Variants in KBTBD11 observed in about 807,000 individuals in gnomAD.
The protein encoded by KBTBD11 is kelch repeat and BTB domain containing 11.
For missense variants in KBTBD11, 1,390 were observed against 1,001.8 expected, an observed-to-expected ratio of 1.39 and a Z score of -5.23; for synonymous variants, 747 against 499.0, an observed-to-expected ratio of 1.50 and a Z score of -6.63.
rs375486959 is a variant in KBTBD11, at chr8:1,992,635, C to T, written c.-908-7650C>T. On this transcript the variant is annotated intron_variant, in intron 1 of 1. Transcript: ENST00000320248. ...AAAAAAATTCATCCCAATCCCCATCCTTATTTTCATACTGTTTTTTCTTTC... is the reference window on the plus strand; with the variant it reads ...AAAAAAATTCATCCCAATCCCCATCTTTATTTTCATACTGTTTTTTCTTTC... 3.3e-5 allele frequency among the ~76,000 whole-genome samples: 5 copies of T among 151,992 alleles called. No homozygotes were observed. The South Asian group carries it at 8.3e-4, about 25-fold the overall frequency.
At chr8:1,984,411 C>T (rs1189786436) in intron 1 of KBTBD11, among the ~76,000 whole-genome samples, 1 of 150,766 alleles carries the variant, frequency 6.6e-6, no homozygotes, top group Non-Finnish European at 1.5e-5. Context: ...GCCTCAGCCT[C>T]CCAAGTAGCT....
chr8:1,974,674 G>A, intron 1 of KBTBD11: 4 of 985,400 alleles, frequency 4.1e-6, no homozygotes, highest in Non-Finnish European at 4.8e-6. Context: ...CCATGTGCTG[G>A]GGAGACCCCC....
intron 1 of KBTBD11, among the ~76,000 whole-genome samples, chr8:1,981,484 G>A (rs1387688755): frequency 6.6e-6 from 1 of 152,210 alleles, no homozygotes; most frequent in African/African-American, 2.4e-5. Flanking sequence ...AAAAGATACT[G>A]TGATGGTTAA....
At position 2,001,852 on chromosome 8, in the gene KBTBD11, G is replaced by A. The variant is rs1259380861; in HGVS notation, c.660G>A (p.Ala220=). The A allele has an allele frequency of 2.4e-5, 30 of 1,257,552 alleles. No homozygotes were observed. The highest frequency in any genetic ancestry group is 4.0e-5 in the Admixed American group (1 of 24,930). The allele number at this position is 1,257,552 out of a possible 1,614,324, so 77.9% of individuals were successfully genotyped here. Residue 220 remains alanine, a synonymous_variant, in exon 2 of 2, where the codon GCG becomes GCA. Coordinates refer to ENST00000320248, the MANE Select transcript of KBTBD11 (RefSeq NM_014867.3). ...GARRLQLPGA[A]QRATDAVGPQ... is the part of the protein sequence containing the mutation. ...GCCGCCTGCAGCTGCCCGGCGCCGC[G>A]CAGCGCGCCACCGACGCCGTGGGGC...
At chr8:1,974,506 C>A (rs930942327) in intron 1 of KBTBD11, 1 of 983,764 alleles carries the variant, frequency 1.0e-6, no homozygotes, top group Non-Finnish European at 1.2e-6. Flanking sequence ...GACTCGGGGC[C>A]CTGGGGAGGG....
chr8:1,993,457 T>C (rs1353964745), intron 1 of KBTBD11, among the ~76,000 whole-genome samples: 4 of 130,122 alleles, frequency 3.1e-5, no homozygotes, highest in Middle Eastern at 4.0e-3. Flanking sequence ...ATCCATCCAA[T>C]CACCCATCTG....
intron 1 of KBTBD11, among the ~76,000 whole-genome samples, chr8:1,976,893 C>A (rs909653433): frequency 5.9e-5 from 9 of 152,020 alleles, no homozygotes; most frequent in Non-Finnish European, 1.3e-4. Context: ...ACGGAGAGGT[C>A]AGTGAGGGGC....
chr8:2,005,939 C>G lies in KBTBD11; in HGVS notation c.*2875C>G, dbSNP rs919959060. ...ATGCAGAGGAATGAGCTTGAGCCTT[C>G]CTCCTTTTCCTTCCGGTTTTATTCT... On this transcript the variant is annotated 3_prime_UTR_variant, in exon 2 of 2. Coordinates refer to ENST00000320248, the MANE Select transcript of KBTBD11 (RefSeq NM_014867.3). 6.0e-6 allele frequency: 1 copy of G among 167,070 alleles called. No individual in the cohort carries two copies. The highest frequency in any genetic ancestry group is 2.4e-5 in the African/African-American group (1 of 41,438). 10.3% of individuals were successfully genotyped at this position (167,070 alleles called of 1,614,324 possible).
chr8:1,991,818 C>T (rs1816930480), intron 1 of KBTBD11, among the ~76,000 whole-genome samples: 1 of 152,010 alleles, frequency 6.6e-6, no homozygotes. Context: ...ATTGCCTGGG[C>T]TCTTGGTGGG....
chr8:2,001,650 C>T lies in KBTBD11; in HGVS notation c.458C>T (p.Ala153Val). 3.4e-6 allele frequency: 5 copies of T among 1,477,846 alleles called. No homozygotes were observed. Among genetic ancestry groups the T allele is most frequent in the South Asian group, 1.3e-5 (1 of 78,778 alleles). The allele number at this position is 1,477,846 out of a possible 1,614,324, so 91.5% of individuals were successfully genotyped here. The change falls in exon 2 of 2, where the codon GCG (alanine) becomes GTG (valine). Residue 153 changes from alanine (A) to valine (V), a missense_variant. Coordinates refer to ENST00000320248, the MANE Select transcript of KBTBD11 (RefSeq NM_014867.3). ...GAGGTGTCGGGGCGCCGGCTGCGCG[C>T]GCACAAGGCGGTGCTGGCGGCGCGC... ...VLEVSGRRLRAHKAVLAARSD... is the reference protein window; with the variant it reads ...VLEVSGRRLRVHKAVLAARSD...
intron 1 of KBTBD11, among the ~76,000 whole-genome samples, chr8:1,981,684 C>A (rs1034468454): frequency 2.6e-5 from 4 of 152,148 alleles, no homozygotes; most frequent in Non-Finnish European, 5.9e-5. Context: ...AGGGCAAATT[C>A]TTTCTCTGCC....
Position 2,002,910 on chromosome 8 carries a change from TC to T in KBTBD11, c.1720del (p.Gln574SerfsTer120). The T allele has an allele frequency of 7.6e-7, 1 of 1,322,556 alleles. No homozygotes were observed. The highest frequency in any genetic ancestry group is 9.6e-7 in the Non-Finnish European group (1 of 1,040,060). The allele number at this position is 1,322,556 out of a possible 1,614,324, so 81.9% of individuals were successfully genotyped here. A position where few individuals can be genotyped will look rare whatever the true frequency, so the allele number is the denominator to read the frequency against. Reference sequence around the variant, plus strand: ...GTGAGCCGCGCGGGCACCTGGCGCTTCCAGCCTGCCCGGGAAGGCGAGGCCG... The same window carrying T: ...GTGAGCCGCGCGGGCACCTGGCGCTTCAGCCTGCCCGGGAAGGCGAGGCCG... ...YCVSRAGTWR[F>X]QPAREGEAGG... On this transcript the variant is annotated frameshift_variant, in exon 2 of 2. Coordinates refer to ENST00000320248, the MANE Select transcript of KBTBD11 (RefSeq NM_014867.3). LOFTEE classifies it low-confidence loss of function (END_TRUNC). The surrounding 1 kb of genome is among the most constrained non-coding windows in gnomAD (Gnocchi z 4.1).
chr8:2,001,253 G>A lies in KBTBD11; in HGVS notation c.61G>A (p.Glu21Lys), dbSNP rs1272860552. Reference protein sequence around the residue: ...YPGTEPGAAGESESEGAASPA... With the variant: ...YPGTEPGAAGKSESEGAASPA... ...AGGGACTGAGCCCGGGGCTGCCGGG[G>A]AGAGCGAGAGCGAGGGCGCCGCGTC... The change falls in exon 2 of 2, where the codon GAG (glutamate) becomes AAG (lysine). Residue 21 changes from glutamate (E) to lysine (K), a missense_variant. Physicochemically the swap from Glu to Lys is moderately conservative, Grantham distance 56. Transcript: ENST00000320248. The A allele has an allele frequency of 1.3e-6, 2 of 1,503,646 alleles. No individual in the cohort carries two copies. The highest frequency in any genetic ancestry group is 1.8e-6 in the Non-Finnish European group (2 of 1,132,046). The allele number at this position is 1,503,646 out of a possible 1,614,324, so 93.1% of individuals were successfully genotyped here.
intron 1 of KBTBD11, among the ~76,000 whole-genome samples, chr8:1,994,304 C>T (rs1467840351): frequency 6.6e-6 from 1 of 152,256 alleles, no homozygotes; most frequent in African/African-American, 2.4e-5. Flanking sequence ...TGCGTCAATG[C>T]TCAGAACTGC....
In KBTBD11 at chr8:1,993,363, ATCCGTCCG is replaced by A. The variant is rs1165431763; in HGVS notation, c.-908-6898_-908-6891del. On this transcript the variant is annotated intron_variant, in intron 1 of 1. Transcript: ENST00000320248. Reference sequence around the variant, plus strand: ...CATCTTTCTGTCCATCCATCGGTCCATCCGTCCGTCCGTCCGTCCGTCCGTCCGTCCAT... The same window carrying A: ...CATCTTTCTGTCCATCCATCGGTCCATCCGTCCGTCCGTCCGTCCGTCCAT... Among the ~76,000 whole-genome samples, 761 of 143,228 alleles carry A rather than the reference ATCCGTCCG, an allele frequency of 5.3e-3. 7 individuals are homozygous for A. Among genetic ancestry groups the A allele is most frequent in the African/African-American group, 0.018 (691 of 38,740 alleles). The allele number at this position is 143,228 out of a possible 152,430, so 94.0% of individuals were successfully genotyped here. A position where few individuals can be genotyped will look rare whatever the true frequency, so the allele number is the denominator to read the frequency against.
chr8:2,001,563 G>C lies in KBTBD11; in HGVS notation c.371G>C (p.Gly124Ala), dbSNP rs1817358999. The C allele has an allele frequency of 7.0e-7, 1 of 1,434,358 alleles. No homozygotes were observed. Among genetic ancestry groups the C allele is most frequent in the Non-Finnish European group, 9.1e-7 (1 of 1,097,050 alleles). 88.9% of individuals were successfully genotyped at this position (1,434,358 alleles called of 1,614,324 possible). Residue 124 changes from glycine to alanine, a missense_variant, in exon 2 of 2, where the codon GGG becomes GCG. Coordinates refer to ENST00000320248, the MANE Select transcript of KBTBD11 (RefSeq NM_014867.3). Reference protein sequence around the residue: ...LEDPASPEEPGEPAPVPPGFG... With the variant: ...LEDPASPEEPAEPAPVPPGFG... Reference sequence around the variant, plus strand: ...GACCCCGCGTCCCCCGAGGAGCCCGGGGAGCCCGCGCCCGTACCCCCGGGG... The same window carrying C: ...GACCCCGCGTCCCCCGAGGAGCCCGCGGAGCCCGCGCCCGTACCCCCGGGG...
chr8:1,991,140 G>A (rs551313944), intron 1 of KBTBD11, among the ~76,000 whole-genome samples: 1 of 152,144 alleles, frequency 6.6e-6, no homozygotes, highest in African/African-American at 2.4e-5. Flanking sequence ...ATGCTGTGGG[G>A]CCTTGGTGCC....
In KBTBD11 at chr8:2,002,978, G is replaced by A. The variant is rs1277773469; in HGVS notation, c.1786G>A (p.Ala596Thr). 11 of 1,310,928 alleles carry A rather than the reference G, an allele frequency of 8.4e-6. No homozygotes were observed. Among genetic ancestry groups the A allele is most frequent in the Middle Eastern group, 2.9e-4 (1 of 3,492 alleles). 81.2% of individuals were successfully genotyped at this position (1,310,928 alleles called of 1,614,324 possible). Reference protein sequence around the residue: ...GQGGGFEALGAPLDVRGVLIP... With the variant: ...GQGGGFEALGTPLDVRGVLIP... ...GGGCGGCGGCTTCGAGGCGCTGGGCGCCCCCTTGGACGTCCGGGGTGTGCT... is the reference window on the plus strand; with the variant it reads ...GGGCGGCGGCTTCGAGGCGCTGGGCACCCCCTTGGACGTCCGGGGTGTGCT... The change falls in exon 2 of 2, where the codon GCC becomes ACC. Residue 596 changes from alanine (A) to threonine (T), a missense_variant. Coordinates refer to ENST00000320248, the MANE Select transcript of KBTBD11 (RefSeq NM_014867.3). The surrounding 1 kb of genome is among the most constrained non-coding windows in gnomAD (Gnocchi z 4.1).
chr8:1,981,372 A>G (rs763419056), intron 1 of KBTBD11, among the ~76,000 whole-genome samples: 2 of 152,240 alleles, frequency 1.3e-5, no homozygotes, highest in African/African-American at 2.4e-5. Flanking sequence ...TGGTAAATGT[A>G]AGTACACGGT....
Sources: gnomAD v4.1 joint callset for allele counts (sites outside exome capture counted in the v4.1 genomes callset) on GRCh38, gnomAD v4.1.1 for gene constraint, Gnocchi (gnomAD v3.1) non-coding constraint, MANE v1.5 for transcripts, NCBI Gene and HGNC (gene_info 2026-07-23, HGNC 2026-07-21) for gene names.